Variants in NOX4 observed in about 807,000 individuals in gnomAD.
NOX4 encodes the protein NADPH oxidase 4, also known as kidney oxidase-1.
A neutral mutation model predicts 87.6 loss-of-function variants in NOX4; 69 were observed. The ratio of observed to expected loss-of-function variants is 0.79; its 90% CI spans 0.65 to 0.96. The LOEUF is 0.96. Ranked by LOEUF, NOX4 falls within the 40% of genes least tolerant of loss-of-function variation. The probability of loss-of-function intolerance (pLI) is 0.00; values close to 1 mark genes in which losing one functional copy is unlikely to be tolerated. For missense variants in NOX4, 680 were observed against 681.5 expected (o/e 1.00, Z 0.02); for synonymous variants, 275 against 238.2 (o/e 1.15, Z -1.42).
chr11:89,355,090 T>G, intron 12 of NOX4, 47 bp from the exon 13 acceptor site: 1 of 1,339,690 alleles, frequency 7.5e-7, no homozygotes. Context: ...ATAAAAGTCA[T>G]GAAAATAATT....
chr11:89,473,565 G>A (rs770348170), intron 2 of NOX4, among the ~76,000 whole-genome samples: 7 of 151,836 alleles, frequency 4.6e-5, no homozygotes, highest in Non-Finnish European at 7.4e-5. Context: ...AACTCATATA[G>A]TGAATATAGG....
chr11:89,561,054 T>C, the NOX4 span, among the ~76,000 whole-genome samples: 9 of 86,102 alleles, frequency 1.0e-4, no homozygotes, highest in South Asian at 3.9e-4. Context: ...ATCATACATA[T>C]ATATATATAT....
At chr11:89,422,881 C>A (rs1461744298) in intron 7 of NOX4, among the ~76,000 whole-genome samples, 2 of 149,812 alleles carry the variant, frequency 1.3e-5, no homozygotes, top group Non-Finnish European at 3.0e-5. Context: ...CTCACTGCAA[C>A]CTCCACCTTC....
intron 6 of NOX4, among the ~76,000 whole-genome samples, chr11:89,433,901 A>G (rs572538090): frequency 3.9e-5 from 6 of 152,118 alleles, no homozygotes; most frequent in African/African-American, 1.2e-4. Flanking sequence ...TAAAGTGTCA[A>G]TGGTCTCCTT....
At chr11:89,537,521 A>G in the NOX4 span, among the ~76,000 whole-genome samples, 2 of 152,050 alleles carry the variant, frequency 1.3e-5, no homozygotes, top group Admixed American at 1.3e-4. Flanking sequence ...TACTAAAAAC[A>G]GACATATTTC....
chr11:89,541,730 G>A, the NOX4 span, among the ~76,000 whole-genome samples: 5 of 152,026 alleles, frequency 3.3e-5, no homozygotes, highest in African/African-American at 1.2e-4. Flanking sequence ...TAAAATAAAA[G>A]CATGTTTCTA....
At chr11:89,516,975 T>TCCC in the NOX4 span, among the ~76,000 whole-genome samples, 1 of 115,732 alleles carries the variant, frequency 8.6e-6, no homozygotes, top group South Asian at 2.6e-4. Flanking sequence ...CCTCCTCTCT[T>TCCC]CCTCCTCCTC....
At chr11:89,542,634 G>C in the NOX4 span, among the ~76,000 whole-genome samples, 11 of 152,236 alleles carry the variant, frequency 7.2e-5, no homozygotes, top group African/African-American at 2.4e-4. Flanking sequence ...TGTTTCATAG[G>C]GCAGCTTTTA....
chr11:89,381,303 G>A (rs867456300), intron 11 of NOX4, among the ~76,000 whole-genome samples: 2 of 152,156 alleles, frequency 1.3e-5, no homozygotes, highest in Non-Finnish European at 2.9e-5. Flanking sequence ...AAGCATGTTT[G>A]TGTCAGGCCT....
the NOX4 span, among the ~76,000 whole-genome samples, chr11:89,588,897 T>C: frequency 0.34 from 50,988 of 151,992 alleles, 8,858 homozygotes; most frequent in Middle Eastern, 0.4. Flanking sequence ...AACTAAAAGA[T>C]GTAATTGCAG....
At position 89,432,895 on chromosome 11, in the gene NOX4, T is replaced by C. The variant is rs766242916; in HGVS notation, c.476-39A>G. ...TACAAGTAGGTTTTTACTTAAATCA[T>C]AGTGAGAAAAAAATACAAAAAATGA... On this transcript the variant is annotated intron_variant, in intron 6 of 17. Transcript: ENST00000263317. 59 of 1,361,604 alleles carry C rather than the reference T, an allele frequency of 4.3e-5. No homozygotes were observed. In the Admixed American group the frequency reaches 5.5e-4, roughly 13 times the overall value. The allele number at this position is 1,361,604 out of a possible 1,614,324, so 84.3% of individuals were successfully genotyped here.
chr11:89,423,325 T>C (rs1294443946), intron 7 of NOX4, among the ~76,000 whole-genome samples: 1 of 152,222 alleles, frequency 6.6e-6, no homozygotes, highest in Non-Finnish European at 1.5e-5. Context: ...CATATGTCTG[T>C]TACTTTTAAT....
chr11:89,444,108 A>T, intron 5 of NOX4, 27 bp downstream of exon 5: 3 of 1,598,866 alleles, frequency 1.9e-6, no homozygotes, highest in Non-Finnish European at 2.6e-6. Flanking sequence ...CAAGTGAAAG[A>T]AAAATGGGAA....
At chr11:89,452,025 C>T (rs1944984556) in intron 2 of NOX4, 130 bp from the exon 3 acceptor site, 1 of 600,794 alleles carries the variant, frequency 1.7e-6, no homozygotes, top group East Asian at 2.8e-5. Context: ...CTTCAAAAGC[C>T]TTGAATAGTC....
At chr11:89,361,593 C>A (rs1938530357) in intron 12 of NOX4, among the ~76,000 whole-genome samples, 1 of 151,764 alleles carries the variant, frequency 6.6e-6, no homozygotes, top group African/African-American at 2.4e-5. Context: ...ACCTGTACCC[C>A]AAAAACTATT....
chr11:89,335,042 TTA>T (rs1463575250), intron 17 of NOX4, among the ~76,000 whole-genome samples: 8 of 151,758 alleles, frequency 5.3e-5, no homozygotes, highest in African/African-American at 1.4e-4. Flanking sequence ...TTTAAAGAAA[TTA>T]TGTTAATTAC....
At chr11:89,377,333 A>G (rs968861547) in intron 11 of NOX4, among the ~76,000 whole-genome samples, 1 of 152,180 alleles carries the variant, frequency 6.6e-6, no homozygotes, top group Non-Finnish European at 1.5e-5. Context: ...TTCCTTTGAC[A>G]TAAAGTTTGG....
chr11:89,327,346 T>C (rs1025199054), intron 17 of NOX4, among the ~76,000 whole-genome samples: 4 of 152,144 alleles, frequency 2.6e-5, no homozygotes, highest in African/African-American at 9.7e-5. Flanking sequence ...AAAGCAGCGA[T>C]GAATAAGGAA....
At chr11:89,543,128 A>C in the NOX4 span, among the ~76,000 whole-genome samples, 1 of 152,188 alleles carries the variant, frequency 6.6e-6, no homozygotes, top group Non-Finnish European at 1.5e-5. Flanking sequence ...TGACGGCTAC[A>C]CTAAAAACCT....
Sources: gnomAD v4.1 joint callset for allele counts (sites outside exome capture counted in the v4.1 genomes callset) on GRCh38, gnomAD v4.1.1 for gene constraint, MANE v1.5 for transcripts, NCBI Gene and HGNC (gene_info 2026-07-23, HGNC 2026-07-21) for gene names.